The following GLIS1 variants were observed in gnomAD, a reference collection of about 807,000 sequenced individuals.
GLIS1 encodes the protein zinc finger protein GLIS1.
GLIS1 carries 24 observed loss-of-function variants against 63.8 expected under a neutral mutation model. The ratio of observed to expected loss-of-function variants is 0.38; its 90% confidence interval spans 0.27 to 0.53. GLIS1 has a LOEUF of 0.53. Among genes scored for constraint, GLIS1 ranks in the 20% least tolerant of loss-of-function variants. The pLI is 0.85. For missense variants in GLIS1, 1,036 were observed against 1,074.1 expected, an observed-to-expected ratio of 0.96 and a Z score of 0.50; for synonymous variants, 450 against 482.5, an observed-to-expected ratio of 0.93 and a Z score of 0.88.
chr1:53,633,968 A>G (rs1645697428), intron 2 of GLIS1, among the ~76,000 whole-genome samples: 1 of 152,224 alleles, frequency 6.6e-6, no homozygotes, highest in Non-Finnish European at 1.5e-5. Flanking sequence ...TGGGTGAAGT[A>G]GCTGGATTCC....
intron 2 of GLIS1, among the ~76,000 whole-genome samples, chr1:53,600,729 A>G (rs12029589): frequency 0.8 from 122,435 of 152,186 alleles, 54,045 homozygotes; most frequent in Non-Finnish European, 0.99. Context: ...TGGAGGGAGC[A>G]GTGCTGACAT....
At chr1:53,680,852 G>A (rs1028206087) in intron 2 of GLIS1, among the ~76,000 whole-genome samples, 1 of 152,248 alleles carries the variant, frequency 6.6e-6, no homozygotes, top group Admixed American at 6.5e-5. Flanking sequence ...TGAGCAGGGT[G>A]AGACGTATCT....
rs1256927705 is a variant in GLIS1, at chr1:53,556,834, TGCA to T, written c.1321-26885_1321-26883del. Among the ~76,000 whole-genome samples, 5 of 144,354 alleles carry T rather than the reference TGCA, an allele frequency of 3.5e-5. No individual in the cohort carries two copies. The East Asian group carries it at 1.0e-3, about 30-fold the overall frequency. The allele number at this position is 144,354 out of a possible 152,430, so 94.7% of individuals were successfully genotyped here. On this transcript the variant is annotated intron_variant, in intron 4 of 10. Coordinates refer to ENST00000628545, the MANE Select transcript of GLIS1 (RefSeq NM_001367484.1). ...TGCAGGTGTGTGTGTGCAGGTGTAC[TGCA>T]GCATGTGTGTGTGTGCAGGTATACT... is the stretch of plus-strand genomic sequence containing the variant.
intron 6 of GLIS1, among the ~76,000 whole-genome samples, chr1:53,523,813 G>A (rs1365154746): frequency 6.6e-6 from 1 of 151,958 alleles, no homozygotes; most frequent in Admixed American, 6.6e-5. Flanking sequence ...ACCTCTCAAG[G>A]TGCCATGTCC....
chr1:53,607,897 C>T (rs1193080790), intron 2 of GLIS1, among the ~76,000 whole-genome samples: 1 of 151,904 alleles, frequency 6.6e-6, no homozygotes, highest in African/African-American at 2.4e-5. Flanking sequence ...TCACTATGTC[C>T]TCACATGGCC....
intron 2 of GLIS1, among the ~76,000 whole-genome samples, chr1:53,625,194 CTGAGGAGATGACTCTTGAGTATGAGTA>C (rs1382494414): frequency 6.6e-6 from 1 of 152,206 alleles, no homozygotes; most frequent in Non-Finnish European, 1.5e-5. Context: ...AAAAAATTCC[CTGAGGAGATGACTCTTGAGTATGAGTA>C]TGAGGAGATG....
chr1:53,601,788 C>T (rs1183316785), intron 2 of GLIS1, among the ~76,000 whole-genome samples: 2 of 152,186 alleles, frequency 1.3e-5, no homozygotes, highest in African/African-American at 2.4e-5. Context: ...AGTCCACCCC[C>T]GAGGATCCCT....
intron 8 of GLIS1, among the ~76,000 whole-genome samples, chr1:53,510,440 C>T (rs1439973469): frequency 2.6e-5 from 4 of 152,212 alleles, no homozygotes; most frequent in Non-Finnish European, 5.9e-5. Flanking sequence ...CTCTCTGCCT[C>T]GTGCATGCCA....
chr1:53,691,221 G>A (rs979675851), intron 2 of GLIS1, among the ~76,000 whole-genome samples: 1 of 152,098 alleles, frequency 6.6e-6, no homozygotes, highest in Non-Finnish European at 1.5e-5. Flanking sequence ...TTCAGGCTAG[G>A]GCGCACTCCC....
At chr1:53,631,607 TAAAC>T (rs891127704) in intron 2 of GLIS1, among the ~76,000 whole-genome samples, 2 of 152,234 alleles carry the variant, frequency 1.3e-5, no homozygotes, top group African/African-American at 4.8e-5. Flanking sequence ...ACAGGGGACA[TAAAC>T]AAAAGAAATA....
chr1:53,660,949 T>A (rs185652826), intron 2 of GLIS1, among the ~76,000 whole-genome samples: 70 of 152,188 alleles, frequency 4.6e-4, no homozygotes, highest in Non-Finnish European at 8.8e-4. Flanking sequence ...GAGGTGGCCA[T>A]GCAGGATGGG....
intron 2 of GLIS1, among the ~76,000 whole-genome samples, chr1:53,673,175 G>A (rs1646173602): frequency 1.3e-5 from 2 of 152,182 alleles, no homozygotes; most frequent in South Asian, 4.1e-4. Flanking sequence ...AGGCTCATAA[G>A]TGTTATGTCT....
chr1:53,569,671 C>A (rs891191650), intron 4 of GLIS1, among the ~76,000 whole-genome samples: 3 of 151,776 alleles, frequency 2.0e-5, no homozygotes, highest in Non-Finnish European at 4.4e-5. Flanking sequence ...TTATTCACAT[C>A]TATGAAAGTC....
rs1000374122 is a variant in GLIS1, at chr1:53,705,320, C to T, written c.259+32486G>A. On this transcript the variant is annotated intron_variant, in intron 2 of 10. Transcript: ENST00000628545. ...AGCTGGCTGACTCCAAAGGCAGCGT[C>T]CCCATCCCCACAGATTCCTCCCTCA... 2.6e-5 allele frequency among the ~76,000 whole-genome samples: 4 copies of T among 152,214 alleles called. No individual in the cohort carries two copies. In the East Asian group the frequency reaches 5.8e-4, roughly 22 times the overall value.
Position 53,506,462 on chromosome 1 carries a change from G to T in GLIS1, c.*157C>A. ...GCTCGGATGGCGGCTCCCTGGCAGC[G>T]CTGGGTGGGGTGGCAGCGCTGGCTC... On this transcript the variant is annotated 3_prime_UTR_variant, in exon 11 of 11. Coordinates refer to ENST00000628545, the MANE Select transcript of GLIS1 (RefSeq NM_001367484.1). The T allele has an allele frequency of 1.4e-6, 1 of 731,496 alleles. No homozygotes were observed. Among genetic ancestry groups the T allele is most frequent in the Non-Finnish European group, 2.2e-6 (1 of 452,604 alleles). 45.3% of individuals were successfully genotyped at this position (731,496 alleles called of 1,614,324 possible).
intron 4 of GLIS1, among the ~76,000 whole-genome samples, chr1:53,559,678 ATCC>A (rs1371191661): frequency 2.0e-5 from 3 of 152,010 alleles, no homozygotes; most frequent in Non-Finnish European, 4.4e-5. Context: ...GTTGCAGCTC[ATCC>A]TCCCCCACAC....
At chr1:53,649,656 G>C (rs538409953) in intron 2 of GLIS1, among the ~76,000 whole-genome samples, 1 of 152,162 alleles carries the variant, frequency 6.6e-6, no homozygotes, top group African/African-American at 2.4e-5. Context: ...TGAGGTCTCC[G>C]GTTGTGGTTG....
At chr1:53,583,100 TG>T (rs1645101786) in intron 4 of GLIS1, among the ~76,000 whole-genome samples, 1 of 152,172 alleles carries the variant, frequency 6.6e-6, no homozygotes, top group Admixed American at 6.5e-5. Flanking sequence ...CACATTTAAA[TG>T]TGGTAGGCAA....
At chr1:53,686,589 C>T (rs759891594) in intron 2 of GLIS1, among the ~76,000 whole-genome samples, 13 of 152,122 alleles carry the variant, frequency 8.5e-5, no homozygotes, top group Non-Finnish European at 1.2e-4. Context: ...GGGGAGGCAG[C>T]GAGGGAAGCA....
Sources: gnomAD v4.1 joint callset for allele counts (sites outside exome capture counted in the v4.1 genomes callset) on GRCh38, gnomAD v4.1.1 for gene constraint, MANE v1.5 for transcripts, NCBI Gene and HGNC (gene_info 2026-07-23, HGNC 2026-07-21) for gene names.